Variants in DOCK9 observed in about 807,000 individuals in gnomAD.
DOCK9 encodes the protein dedicator of cytokinesis protein 9.
Under a neutral mutation model 263.3 loss-of-function variants are expected in DOCK9, and 89 were observed. The observed-to-expected ratio is 0.34, with a 90% CI of 0.28 to 0.40. DOCK9 has a LOEUF of 0.40. Among genes scored for constraint, DOCK9 ranks in the 10% least tolerant of loss-of-function variants. The pLI, the probability that DOCK9 is intolerant of heterozygous loss-of-function variation, is 1.00. For missense variants in DOCK9, 2,140 were observed against 2,603.4 expected (o/e 0.82, Z 3.87); for synonymous variants, 976 against 973.1 (o/e 1.00, Z -0.06).
At chr13:98,858,439 C>A (rs983645774) in intron 33 of DOCK9, 10 of 152,184 alleles carry the variant, frequency 6.6e-5, no homozygotes, top group African/African-American at 2.2e-4. Flanking sequence ...TGTGTGGAAA[C>A]AGGATTCTTC....
chr13:98,853,272 C>T (rs1013843129), intron 35 of DOCK9, 136 bp downstream of exon 35: 1 of 552,430 alleles, frequency 1.8e-6, no homozygotes, highest in Admixed American at 3.4e-5. Context: ...TTAACAATTA[C>T]ATTTAGTCAA....
chr13:98,826,193 A>T (rs2086150332), intron 44 of DOCK9, among the ~76,000 whole-genome samples: 1 of 152,186 alleles, frequency 6.6e-6, no homozygotes, highest in South Asian at 2.1e-4. Flanking sequence ...ACTCACGCAG[A>T]CTACCAGCTT....
intron 1 of DOCK9, among the ~76,000 whole-genome samples, chr13:99,058,687 A>G (rs1003830377): frequency 3.9e-5 from 6 of 152,140 alleles, no homozygotes; most frequent in African/African-American, 1.4e-4. Flanking sequence ...GGTATGCTCA[A>G]ATAAGGCCAC....
intron 1 of DOCK9, among the ~76,000 whole-genome samples, chr13:99,007,902 T>G (rs1883635749): frequency 6.6e-6 from 1 of 152,202 alleles, no homozygotes; most frequent in African/African-American, 2.4e-5. Flanking sequence ...AAATAATCTT[T>G]CTGGAGGGTA....
chr13:99,026,202 T>C (rs1444822398), intron 1 of DOCK9, among the ~76,000 whole-genome samples: 1 of 152,134 alleles, frequency 6.6e-6, no homozygotes, highest in Non-Finnish European at 1.5e-5. Context: ...TAAAATTGAC[T>C]ATGGTGATGG....
chr13:99,004,909 A>G (rs1401905036), intron 1 of DOCK9, among the ~76,000 whole-genome samples: 2 of 152,150 alleles, frequency 1.3e-5, no homozygotes, highest in African/African-American at 4.8e-5. Context: ...AATTATCCTT[A>G]GAATTTGTAT....
intron 7 of DOCK9, among the ~76,000 whole-genome samples, 154 bp from the exon 8 acceptor site, chr13:98,915,657 T>G: frequency 7.9e-6 from 1 of 126,936 alleles, no homozygotes; most frequent in East Asian, 2.6e-4. Flanking sequence ...CCCCCCCCCA[T>G]GAAATCCCAT....
chr13:99,039,220 C>G (rs1168168929), intron 1 of DOCK9, among the ~76,000 whole-genome samples: 1 of 152,024 alleles, frequency 6.6e-6, no homozygotes, highest in Non-Finnish European at 1.5e-5. Context: ...GTTTTGTATA[C>G]AAAATAATTA....
chr13:99,033,042 C>G (rs1887514207), intron 1 of DOCK9, among the ~76,000 whole-genome samples: 1 of 152,134 alleles, frequency 6.6e-6, no homozygotes. Context: ...AAGAATAGTT[C>G]CTTGTTATGA....
intron 1 of DOCK9, among the ~76,000 whole-genome samples, chr13:99,042,706 T>C (rs1281411492): frequency 6.6e-6 from 1 of 152,180 alleles, no homozygotes; most frequent in Non-Finnish European, 1.5e-5. Context: ...TTTTAGACAT[T>C]TTACTTTCAA....
At chr13:98,955,614 A>G in intron 1 of DOCK9, 63 bp from the exon 2 acceptor site, 1 of 1,124,512 alleles carries the variant, frequency 8.9e-7, no homozygotes, top group Non-Finnish European at 1.3e-6. Context: ...AAGATAAAGA[A>G]CTTAGTATGT....
intron 1 of DOCK9, among the ~76,000 whole-genome samples, chr13:98,993,784 T>C (rs938184182): frequency 1.9e-5 from 2 of 106,028 alleles, no homozygotes; most frequent in Non-Finnish European, 4.1e-5. Flanking sequence ...GTTTATATTG[T>C]AAATAATAAA....
chr13:98,800,448 C>T lies in DOCK9; in HGVS notation c.5756G>A (p.Arg1919His), dbSNP rs1052569622. The T allele has an allele frequency of 4.3e-6, 7 of 1,613,840 alleles. No homozygotes were observed. The highest frequency in any genetic ancestry group is 1.1e-5 in the South Asian group (1 of 91,086). The change falls in exon 50 of 53, where the codon CGC (arginine) becomes CAC (histidine). Residue 1919 changes from arginine (R) to histidine (H), a missense_variant. Physicochemically the swap from Arg to His is conservative, Grantham distance 29 (BLOSUM62 0). Transcript: ENST00000682017. ...GTGGTGCTGGTACATGACAGGGATGCGCTTCTTCACATAAGGGAAGCAGTG... is the reference window on the plus strand; with the variant it reads ...GTGGTGCTGGTACATGACAGGGATGTGCTTCTTCACATAAGGGAAGCAGTG... Reference protein sequence around the residue: ...AIHCFPYVKKRIPVMYQHHTD... With the variant: ...AIHCFPYVKKHIPVMYQHHTD...
At chr13:98,868,080 C>G in intron 28 of DOCK9, 69 bp from the exon 29 acceptor site, 1 of 1,551,510 alleles carries the variant, frequency 6.4e-7, no homozygotes, top group African/African-American at 1.4e-5. Flanking sequence ...TTCAAAGCAG[C>G]ATTTATTGCT....
chr13:99,050,113 C>A (rs902718335), intron 1 of DOCK9, among the ~76,000 whole-genome samples: 4 of 152,066 alleles, frequency 2.6e-5, no homozygotes, highest in African/African-American at 4.8e-5. Context: ...CATGTTGGAT[C>A]CTGTCTAAAA....
At chr13:98,908,782 G>T (rs2049524766) in intron 9 of DOCK9, among the ~76,000 whole-genome samples, 1 of 152,204 alleles carries the variant, frequency 6.6e-6, no homozygotes, top group Non-Finnish European at 1.5e-5. Context: ...AGGATGAAGG[G>T]AAAAGGTGAA....
chr13:98,846,176 G>T (rs2093385307), intron 37 of DOCK9, 116 bp from the exon 38 acceptor site: 1 of 1,227,010 alleles, frequency 8.1e-7, no homozygotes, highest in Non-Finnish European at 1.1e-6. Flanking sequence ...TGCACTGACT[G>T]AACACAGTGG....
intron 2 of DOCK9, among the ~76,000 whole-genome samples, chr13:98,933,473 T>C (rs1216828034): frequency 6.6e-6 from 1 of 152,174 alleles, no homozygotes; most frequent in Non-Finnish European, 1.5e-5. Flanking sequence ...TTTTAACAGA[T>C]AAGATAGCAT....
At position 98,936,441 on chromosome 13, in the gene DOCK9, G is replaced by A. The variant is rs118132167; in HGVS notation, c.244-6184C>T. 5.2e-3 allele frequency among the ~76,000 whole-genome samples: 796 copies of A among 152,152 alleles called. 4 individuals carry two copies. The highest frequency in any genetic ancestry group is 0.017 in the Middle Eastern group (5 of 294). Reference sequence around the variant, plus strand: ...TCGAGACCAACCTGGGCAACATAGCGTGACCTTGTCTCTACTAAAAATAAA... The same window carrying A: ...TCGAGACCAACCTGGGCAACATAGCATGACCTTGTCTCTACTAAAAATAAA... On this transcript the variant is annotated intron_variant, in intron 2 of 52. Coordinates refer to ENST00000682017, the MANE Select transcript of DOCK9 (RefSeq NM_001366683.2).
Sources: gnomAD v4.1 joint callset for allele counts (sites outside exome capture counted in the v4.1 genomes callset) on GRCh38, gnomAD v4.1.1 for gene constraint, MANE v1.5 for transcripts, NCBI Gene and HGNC (gene_info 2026-07-23, HGNC 2026-07-21) for gene names.